ASNS: variants seen among roughly 807,000 people sequenced by gnomAD.
ASNS encodes asparagine synthetase (glutamine-hydrolyzing).
A neutral mutation model predicts 62.6 loss-of-function variants in ASNS; 37 were observed. The observed-to-expected ratio is 0.59, with a 90% CI of 0.45 to 0.78. The LOEUF (loss-of-function observed/expected upper bound fraction) is 0.78. ASNS is among the 30% of genes least tolerant of loss of function. The pLI is 0.00. For missense variants in ASNS, 520 were observed against 682.4 expected, an observed-to-expected ratio of 0.76 and a Z score of 2.65; for synonymous variants, 207 against 237.9, an observed-to-expected ratio of 0.87 and a Z score of 1.19.
chr7:97,901,678 C>T, the ASNS span, among the ~76,000 whole-genome samples: 1 of 152,172 alleles, frequency 6.6e-6, no homozygotes, highest in Admixed American at 6.6e-5. Context: ...TCTATCTCAA[C>T]TCAAACCTTA....
chr7:97,890,846 T>G, the ASNS span, among the ~76,000 whole-genome samples: 1 of 148,730 alleles, frequency 6.7e-6, no homozygotes, highest in South Asian at 2.2e-4. Context: ...ACAAGAAATG[T>G]TTAAGGGAGT....
At chr7:97,857,615 T>TA (rs1562815461) in intron 7 of ASNS, among the ~76,000 whole-genome samples, 27 of 113,146 alleles carry the variant, frequency 2.4e-4, no homozygotes, top group African/African-American at 8.3e-4. Flanking sequence ...GCCTTTACGT[T>TA]TAAAAAAAAA....
intron 4 of ASNS, among the ~76,000 whole-genome samples, chr7:97,862,935 A>AAATCAC (rs1791794239): frequency 6.6e-6 from 1 of 152,248 alleles, no homozygotes; most frequent in African/African-American, 2.4e-5. Flanking sequence ...ATACAAATCA[A>AAATCAC]AATCACAATG....
chr7:97,904,511 A>T, the ASNS span, among the ~76,000 whole-genome samples: 1 of 152,026 alleles, frequency 6.6e-6, no homozygotes, highest in Non-Finnish European at 1.5e-5. Flanking sequence ...GGGTTGCAAT[A>T]CCTCGAGTAT....
rs367894312 is a variant in ASNS at position 97,852,212 on chromosome 7, T to A, written c.*47A>T. ...TTCCCCTATCTACCCACAGTCCCCA[T>A]CCAACACGAAGAAATATTTGCTTTC... On this transcript the variant is annotated 3_prime_UTR_variant, in exon 13 of 13. Coordinates refer to ENST00000394308, the MANE Select transcript of ASNS (RefSeq NM_001673.5). The A allele has an allele frequency of 1.9e-6, 3 of 1,596,502 alleles. No homozygotes were observed. Among genetic ancestry groups the A allele is most frequent in the South Asian group, 2.2e-5 (2 of 89,790 alleles).
upstream of ASNS, among the ~76,000 whole-genome samples, chr7:97,874,236 GA>G (rs1293711398): frequency 7.9e-5 from 12 of 152,330 alleles, no homozygotes; most frequent in Non-Finnish European, 1.5e-4. Context: ...TTTGAAAGAA[GA>G]GAAATATGGT....
intron 4 of ASNS, 186 bp downstream of exon 4, chr7:97,864,073 G>A (rs1394770086): frequency 1.8e-6 from 1 of 553,164 alleles, no homozygotes; most frequent in Admixed American, 3.4e-5. Flanking sequence ...CATCCTTCAA[G>A]GATTACAGAA....
At chr7:97,879,737 G>C in the ASNS span, among the ~76,000 whole-genome samples, 1 of 152,242 alleles carries the variant, frequency 6.6e-6, no homozygotes, top group African/African-American at 2.4e-5. Context: ...GAACCCAGCT[G>C]AGTCACGCTG....
chr7:97,870,391 T>C, intron 1 of ASNS: 2 of 290,230 alleles, frequency 6.9e-6, no homozygotes. Context: ...CCAAATAGTT[T>C]GGGATAAACA....
At chr7:97,926,895 T>C in the ASNS span, among the ~76,000 whole-genome samples, 4 of 151,952 alleles carry the variant, frequency 2.6e-5, no homozygotes, top group African/African-American at 9.7e-5. Context: ...AAGACTCTTG[T>C]GGGTCTGTCT....
the ASNS span, among the ~76,000 whole-genome samples, chr7:97,926,810 C>T: frequency 6.2e-3 from 938 of 151,666 alleles, 2 homozygotes; most frequent in South Asian, 0.015. Context: ...GGGGTTTCTG[C>T]CTTTTAAATA....
At chr7:97,925,890 G>C in the ASNS span, among the ~76,000 whole-genome samples, 7 of 152,164 alleles carry the variant, frequency 4.6e-5, no homozygotes, top group Non-Finnish European at 7.3e-5. Flanking sequence ...CCTCCAGGAA[G>C]AGCTGTTGGT....
chr7:97,893,484 A>G, the ASNS span, among the ~76,000 whole-genome samples: 1 of 152,264 alleles, frequency 6.6e-6, no homozygotes, highest in Non-Finnish European at 1.5e-5. Flanking sequence ...CAAGAAACTC[A>G]CTTCACTTGT....
the ASNS span, among the ~76,000 whole-genome samples, chr7:97,919,734 A>T: frequency 2.6e-5 from 4 of 152,156 alleles, no homozygotes; most frequent in African/African-American, 9.7e-5. Context: ...AAGGGGGACA[A>T]GAAGCCAAGG....
At chr7:97,895,006 G>A in the ASNS span, among the ~76,000 whole-genome samples, 1 of 152,170 alleles carries the variant, frequency 6.6e-6, no homozygotes, top group Non-Finnish European at 1.5e-5. Context: ...AATGAGGAAT[G>A]AAAAAGATAA....
chr7:97,878,822 A>T, the ASNS span, among the ~76,000 whole-genome samples: 1 of 152,220 alleles, frequency 6.6e-6, no homozygotes, highest in South Asian at 2.1e-4. Context: ...ACCAAAAAAG[A>T]GCCCACATTG....
chr7:97,891,517 G>C, the ASNS span, among the ~76,000 whole-genome samples: 1 of 152,200 alleles, frequency 6.6e-6, no homozygotes, highest in Admixed American at 6.5e-5. Context: ...GTGAGACAAG[G>C]CAAATCCCTT....
chr7:97,885,413 G>A, the ASNS span, among the ~76,000 whole-genome samples: 1 of 152,374 alleles, frequency 6.6e-6, no homozygotes, highest in Non-Finnish European at 1.5e-5. Flanking sequence ...TGGAGTGGAA[G>A]TGGTGGGTCA....
chr7:97,901,732 C>T, the ASNS span, among the ~76,000 whole-genome samples: 2 of 152,018 alleles, frequency 1.3e-5, no homozygotes, highest in African/African-American at 2.4e-5. Flanking sequence ...AATCCCAACA[C>T]TTTAGGAGGC....
Sources: allele counts gnomAD v4.1 joint callset (sites outside exome capture counted in the v4.1 genomes callset), GRCh38; gene constraint gnomAD v4.1.1; transcripts MANE v1.5; gene names NCBI Gene and HGNC (gene_info 2026-07-23, HGNC 2026-07-21).